The following BPTF variants were observed in gnomAD, a reference collection of about 807,000 sequenced individuals.
BPTF encodes the protein bromodomain PHD finger transcription factor.
In BPTF, 18 loss-of-function variants were observed where a neutral mutation model predicts 292.5. The observed-to-expected ratio is 0.06, with a 90% CI of 0.04 to 0.09. The LOEUF is 0.09. BPTF is among the 10% of genes least tolerant of loss of function. The pLI is 1.00. For missense variants in BPTF, 2,726 were observed against 3,498.7 expected (o/e 0.78, Z 5.57); for synonymous variants, 1,225 against 1,251.9 (o/e 0.98, Z 0.45).
At chr17:67,863,387 T>G (rs916901493) in intron 2 of BPTF, among the ~76,000 whole-genome samples, 1 of 152,078 alleles carries the variant, frequency 6.6e-6, no homozygotes, top group African/African-American at 2.4e-5. Flanking sequence ...CAGGTTCAAG[T>G]GATTCTCCTG....
At chr17:67,976,638 A>G (rs2069458657) in intron 27 of BPTF, among the ~76,000 whole-genome samples, 1 of 143,446 alleles carries the variant, frequency 7.0e-6, no homozygotes, top group Non-Finnish European at 1.5e-5. Context: ...GTGAGCTGTG[A>G]TTACACCACT....
chr17:67,961,004 A>AT lies in BPTF; in HGVS notation c.8261+1138dup, dbSNP rs1169355093. Among the ~76,000 whole-genome samples, 24 of 151,898 alleles carry AT rather than the reference A, an allele frequency of 1.6e-4. 1 individual carries two copies. Among genetic ancestry groups the AT allele is most frequent in the Admixed American group, 9.2e-4 (14 of 15,214 alleles). On this transcript the variant is annotated intron_variant, in intron 24 of 27. Coordinates refer to ENST00000306378, the MANE Select transcript of BPTF (RefSeq NM_182641.4). ...GTAAACAGTAGAACGTGATTCACTG[A>AT]TTTTTTTTTACTTTAGTTTAATACA...
At chr17:67,919,697 A>T (rs1268800045) in intron 12 of BPTF, among the ~76,000 whole-genome samples, 4 of 152,242 alleles carry the variant, frequency 2.6e-5, no homozygotes, top group Non-Finnish European at 5.9e-5. Context: ...TTAATTAAAA[A>T]TTTAAACTAA....
rs782541075 is a variant in BPTF at position 67,945,744 on chromosome 17, C to T, written c.7036C>T (p.Pro2346Ser). 1.5e-5 allele frequency: 24 copies of T among 1,614,190 alleles called. No individual in the cohort carries two copies. The highest frequency in any genetic ancestry group is 2.0e-5 in the Non-Finnish European group (24 of 1,180,038). Residue 2346 changes from proline (P) to serine (S), a missense_variant, in exon 21 of 28, where the codon CCA becomes TCA. By Grantham distance (74) the Pro-to-Ser change is moderately conservative (BLOSUM62 -1). Around this residue, in one of 22 missense-constraint regions of BPTF, gnomAD observed 570 missense variants for 633.5 expected, o/e 0.90. Coordinates refer to ENST00000306378, the MANE Select transcript of BPTF (RefSeq NM_182641.4). ...QGQSPVRVQSPSQTRIRPSTP... is the reference protein window; with the variant it reads ...QGQSPVRVQSSSQTRIRPSTP... ...ACAGTCTCCTGTTCGTGTCCAAAGT[C>T]CATCACAGACTCGAATACGTCCATC... is the stretch of plus-strand genomic sequence containing the variant.
chr17:67,917,249 C>T (rs2063099197), intron 11 of BPTF, among the ~76,000 whole-genome samples: 1 of 149,988 alleles, frequency 6.7e-6, no homozygotes. Context: ...TCTTCTTTCT[C>T]AGCCTCCCAA....
intron 11 of BPTF, among the ~76,000 whole-genome samples, chr17:67,917,150 T>TTTTTTTTA (rs2063086287): frequency 6.8e-6 from 1 of 146,456 alleles, no homozygotes; most frequent in Non-Finnish European, 1.5e-5. Flanking sequence ...TTTTTTTTTT[T>TTTTTTTTA]GAGATAGAGT....
intron 2 of BPTF, among the ~76,000 whole-genome samples, chr17:67,855,302 AAAAT>A (rs1383988183): frequency 6.6e-6 from 1 of 152,178 alleles, no homozygotes; most frequent in Non-Finnish European, 1.5e-5. Flanking sequence ...TTCTGTCTCA[AAAAT>A]AAATAAATAA....
intron 11 of BPTF, among the ~76,000 whole-genome samples, chr17:67,918,015 G>C (rs1052859388): frequency 6.6e-6 from 1 of 151,898 alleles, no homozygotes; most frequent in Non-Finnish European, 1.5e-5. Flanking sequence ...GTTTCACCGT[G>C]GTCTCAATCT....
intron 9 of BPTF, among the ~76,000 whole-genome samples, chr17:67,907,206 T>C (rs1444539991): frequency 3.3e-5 from 5 of 149,860 alleles, no homozygotes; most frequent in South Asian, 2.1e-4. Flanking sequence ...AAAAAACCTT[T>C]AAGTCCCAAG....
intron 17 of BPTF, 87 bp downstream of exon 17, chr17:67,929,574 T>C: frequency 1.4e-6 from 2 of 1,446,944 alleles, no homozygotes; most frequent in Admixed American, 4.5e-5. Context: ...TTAATCCAAC[T>C]CAGTTTCCTT....
chr17:67,916,765 C>CAAAAA lies in BPTF; in HGVS notation c.5304-1933_5304-1929dup, dbSNP rs768285922. Among the ~76,000 whole-genome samples the CAAAAA allele has an allele frequency of 2.4e-3, 133 of 56,358 alleles. 2 individuals are homozygous for CAAAAA. Among genetic ancestry groups the CAAAAA allele is most frequent in the African/African-American group, 7.2e-3 (127 of 17,602 alleles). The allele number at this position is 56,358 out of a possible 152,430, so 37.0% of individuals were successfully genotyped here. On this transcript the variant is annotated intron_variant, in intron 11 of 27. Transcript: ENST00000306378. ...TGGGTGACAGAGCAATACTCTGTCT[C>CAAAAA]AAAAAAAAAAAAAAAAAAAAGAAAG... is the stretch of plus-strand genomic sequence containing the variant.
At chr17:67,863,037 T>C (rs189429523) in intron 2 of BPTF, among the ~76,000 whole-genome samples, 2 of 152,190 alleles carry the variant, frequency 1.3e-5, no homozygotes, top group Admixed American at 1.3e-4. Flanking sequence ...GTACCAAAAG[T>C]TGGGAGTTTT....
At chr17:67,971,843 A>G (rs997898684) in intron 26 of BPTF, among the ~76,000 whole-genome samples, 17 of 150,846 alleles carry the variant, frequency 1.1e-4, no homozygotes, top group South Asian at 4.1e-4. Context: ...AAAAAAAAAA[A>G]AGAGAAGAAA....
chr17:67,865,164 G>C (rs1033638659), intron 2 of BPTF, among the ~76,000 whole-genome samples: 2 of 152,124 alleles, frequency 1.3e-5, no homozygotes, highest in Admixed American at 6.5e-5. Context: ...CCTTTGAACG[G>C]CATGTTGGCA....
Position 67,944,285 on chromosome 17 carries a change from A to G in BPTF, c.6613A>G (p.Thr2205Ala). ...QLMQAAMPNGTVQRFLFTPLA... is the reference protein window; with the variant it reads ...QLMQAAMPNGAVQRFLFTPLA... ...AATGCAAGCTGCAATGCCAAATGGTACTGTTCAGCGATTCCTCTTTACCCC... is the reference window on the plus strand; with the variant it reads ...AATGCAAGCTGCAATGCCAAATGGTGCTGTTCAGCGATTCCTCTTTACCCC... Residue 2205 changes from threonine to alanine, a missense_variant, in exon 20 of 28, where the codon ACT (threonine) becomes GCT (alanine). Around this residue, in one of 22 missense-constraint regions of BPTF, gnomAD observed 570 missense variants for 633.5 expected, o/e 0.90. Transcript: ENST00000306378. 6.2e-7 allele frequency: 1 copy of G among 1,614,134 alleles called. No homozygotes were observed. The highest frequency in any genetic ancestry group is 8.5e-7 in the Non-Finnish European group (1 of 1,180,028).
In BPTF at chr17:67,825,513, C is replaced by A. The variant is rs933079186; in HGVS notation, c.-212C>A. On this transcript the variant is annotated 5_prime_UTR_variant, in exon 1 of 28. Transcript: ENST00000306378. ...GCTGTCGGTTCCCCCAGTCACCGAG[C>A]GAGAGGGAAGAAACAAGATGGCGGC... 1.7e-5 allele frequency: 7 copies of A among 419,440 alleles called. No homozygotes were observed. Among genetic ancestry groups the A allele is most frequent in the Non-Finnish European group, 3.3e-5 (7 of 213,724 alleles). The allele number at this position is 419,440 out of a possible 1,614,324, so 26.0% of individuals were successfully genotyped here. A position where few individuals can be genotyped will look rare whatever the true frequency, so the allele number is the denominator to read the frequency against.
At chr17:67,886,926 A>G (rs994805035) in intron 4 of BPTF, among the ~76,000 whole-genome samples, 2 of 152,170 alleles carry the variant, frequency 1.3e-5, no homozygotes, top group Non-Finnish European at 2.9e-5. Flanking sequence ...TCATTATTAC[A>G]AATAGTGGTG....
At chr17:67,899,096 TTTTG>T (rs2061648200) in intron 7 of BPTF, among the ~76,000 whole-genome samples, 1 of 152,136 alleles carries the variant, frequency 6.6e-6, no homozygotes, top group Non-Finnish European at 1.5e-5. Context: ...GTGGCCAAAC[TTTTG>T]TAAAATTACA....
Position 67,854,775 on chromosome 17 carries a change from G to T in BPTF, c.1436+13G>T. The T allele has an allele frequency of 1.9e-6, 3 of 1,586,330 alleles. No individual in the cohort carries two copies. The highest frequency in any genetic ancestry group is 1.1e-5 in the South Asian group (1 of 89,382). ...GAAGACTCATAATGTAAGTAAATCT[G>T]GTCTTAATTTTTTGTATGCATTTAA... is the stretch of plus-strand genomic sequence containing the variant. On this transcript the variant is annotated intron_variant, in intron 2 of 27. Transcript: ENST00000306378. This position sits in a 1 kb window ranked among gnomAD's most constrained non-coding sequence, Gnocchi z 5.6.
Sources: allele counts gnomAD v4.1 joint callset (sites outside exome capture counted in the v4.1 genomes callset), GRCh38; gene constraint gnomAD v4.1.1; regional missense constraint gnomAD v4.1.1; non-coding constraint Gnocchi (gnomAD v3.1); transcripts MANE v1.5; gene names NCBI Gene and HGNC (gene_info 2026-07-23, HGNC 2026-07-21).